The following FYB2 variants were observed in gnomAD, a reference collection of about 807,000 sequenced individuals.
The protein encoded by FYB2 is FYN-binding protein 2.
FYB2 carries 103 observed loss-of-function variants against 94.1 expected under a neutral mutation model. The observed-to-expected ratio is 1.09, with a 90% CI of 0.93 to 1.29. The LOEUF is 1.29. FYB2 is among the 50% of genes most tolerant of loss of function. The probability of loss-of-function intolerance (pLI) is 0.00; values close to 1 mark genes in which losing one functional copy is unlikely to be tolerated. For synonymous variants in FYB2, 293 were observed against 287.9 expected (o/e 1.02, Z -0.18); for missense variants, 896 against 841.5 (o/e 1.06, Z -0.80).
intron 16 of FYB2, 73 bp downstream of exon 16, chr1:56,726,424 T>C (rs1432291859): frequency 8.0e-6 from 11 of 1,367,718 alleles, no homozygotes; most frequent in Non-Finnish European, 1.1e-5. Flanking sequence ...ATTACTTATC[T>C]GAGGCCACAC....
At position 56,730,953 on chromosome 1, in the gene FYB2, T is replaced by G. The variant is rs184760563; in HGVS notation, c.1794-4370A>C. 2.3e-3 allele frequency among the ~76,000 whole-genome samples: 344 copies of G among 152,184 alleles called. 2 individuals carry two copies. Among genetic ancestry groups the G allele is most frequent in the Middle Eastern group, 0.014 (4 of 294 alleles). On this transcript the variant is annotated intron_variant, in intron 15 of 19. Transcript: ENST00000343433. Reference sequence around the variant, plus strand: ...ATACACCATGATGTAGTGTGATATATCCCAGAAATGCAAGAACATATTAGT... The same window carrying G: ...ATACACCATGATGTAGTGTGATATAGCCCAGAAATGCAAGAACATATTAGT...
chr1:56,790,135 T>G (rs913930805), intron 2 of FYB2, among the ~76,000 whole-genome samples: 5 of 152,232 alleles, frequency 3.3e-5, no homozygotes, highest in African/African-American at 4.8e-5. Context: ...TGATTTTTCA[T>G]TTATGTAAGA....
intron 13 of FYB2, among the ~76,000 whole-genome samples, chr1:56,739,224 T>C (rs1283812341): frequency 1.3e-5 from 2 of 152,072 alleles, no homozygotes; most frequent in East Asian, 3.9e-4. Context: ...GATTTGCATA[T>C]TTAAAACATT....
At chr1:56,770,963 T>C (rs1645740423) in intron 4 of FYB2, among the ~76,000 whole-genome samples, 1 of 152,174 alleles carries the variant, frequency 6.6e-6, no homozygotes. Context: ...AATCTCAGTT[T>C]GAAAATAATA....
At chr1:56,764,700 T>G (rs1645580208) in intron 5 of FYB2, among the ~76,000 whole-genome samples, 2 of 152,236 alleles carry the variant, frequency 1.3e-5, no homozygotes, top group South Asian at 4.1e-4. Context: ...TTCTAGTATT[T>G]CAGCCATCTC....
Position 56,806,587 on chromosome 1 carries a change from T to C in FYB2, c.9+12695A>G, listed in dbSNP as rs182219927. ...TTCAAAATTCCTTCACAGAATATAC[T>C]GGGAGATCATGAATATCAAAATGAT... On this transcript the variant is annotated intron_variant, in intron 1 of 19. Transcript: ENST00000343433. Among the ~76,000 whole-genome samples, 8 of 152,306 alleles carry C rather than the reference T, an allele frequency of 5.3e-5. No homozygotes were observed. The East Asian group carries it at 1.5e-3, about 29-fold the overall frequency.
At chr1:56,812,876 CA>C (rs1456074424) in intron 1 of FYB2, among the ~76,000 whole-genome samples, 1 of 152,214 alleles carries the variant, frequency 6.6e-6, no homozygotes, top group Non-Finnish European at 1.5e-5. Flanking sequence ...TGATACGGTT[CA>C]CTTATTAGTT....
At chr1:56,808,371 T>C (rs1219815938) in intron 1 of FYB2, among the ~76,000 whole-genome samples, 1 of 152,224 alleles carries the variant, frequency 6.6e-6, no homozygotes, top group African/African-American at 2.4e-5. Flanking sequence ...TGAAAGACCC[T>C]TTATCTGGGA....
rs1464673701 is a variant in FYB2, at chr1:56,789,146, A to G, written c.758-12T>C. 6.5e-7 allele frequency: 1 copy of G among 1,544,882 alleles called. No homozygotes were observed. The highest frequency in any genetic ancestry group is 8.7e-7 in the Non-Finnish European group (1 of 1,150,496). Reference sequence around the variant, plus strand: ...ATCTGGCTGTTTTTCTGAACACAAGACAGTAAAAAATGTAAGTTATGATTA... The same window carrying G: ...ATCTGGCTGTTTTTCTGAACACAAGGCAGTAAAAAATGTAAGTTATGATTA... On this transcript the variant is annotated splice_polypyrimidine_tract_variant and intron_variant, in intron 2 of 19. Coordinates refer to ENST00000343433, the MANE Select transcript of FYB2 (RefSeq NM_001004303.5).
In FYB2 at chr1:56,792,571, A is replaced by T. The variant is rs922009453; in HGVS notation, c.242T>A (p.Leu81Ter). The change falls in exon 2 of 20, where the codon TTG becomes TAG. Residue 81 changes from leucine to a stop codon, truncating the protein, a stop_gained. Coordinates refer to ENST00000343433, the MANE Select transcript of FYB2 (RefSeq NM_001004303.5). LOFTEE classifies it high-confidence loss of function. ...SQPLQPQKIK[L>*]AQKSEIPKCS... ...TTTTGGAATTTCACTCTTCTGAGCC[A>T]ACTTTATTTTCTGAGGTTGAAGAGG... The T allele has an allele frequency of 2.4e-5, 39 of 1,613,996 alleles. No individual in the cohort carries two copies. Among genetic ancestry groups the T allele is most frequent in the Non-Finnish European group, 3.2e-5 (38 of 1,180,008 alleles).
intron 4 of FYB2, among the ~76,000 whole-genome samples, chr1:56,771,344 G>T (rs185310313): frequency 6.6e-5 from 10 of 151,916 alleles, no homozygotes; most frequent in African/African-American, 2.4e-4. Context: ...ACACAGCTTC[G>T]TAAAAAAAAG....
intron 1 of FYB2, among the ~76,000 whole-genome samples, chr1:56,818,792 G>A (rs1302682113): frequency 6.6e-6 from 1 of 151,958 alleles, no homozygotes; most frequent in African/African-American, 2.4e-5. Context: ...CTTGCCCCAG[G>A]CCACACAGTT....
intron 1 of FYB2, among the ~76,000 whole-genome samples, chr1:56,816,584 G>A (rs186269710): frequency 1.3e-5 from 2 of 152,282 alleles, no homozygotes; most frequent in Admixed American, 1.3e-4. Context: ...CAGAGAATGT[G>A]AGGCCAAGTT....
intron 1 of FYB2, among the ~76,000 whole-genome samples, chr1:56,797,163 G>C (rs893824105): frequency 6.6e-6 from 1 of 152,122 alleles, no homozygotes; most frequent in Non-Finnish European, 1.5e-5. Context: ...CCCAGAGCAT[G>C]AACACAGAAG....
chr1:56,797,105 G>C (rs1046227715), intron 1 of FYB2, among the ~76,000 whole-genome samples: 3 of 152,180 alleles, frequency 2.0e-5, no homozygotes, highest in Non-Finnish European at 4.4e-5. Flanking sequence ...TCCTAGAGGA[G>C]ATTCCCCAGC....
intron 5 of FYB2, 48 bp downstream of exon 5, chr1:56,767,781 T>C: frequency 7.2e-7 from 1 of 1,384,430 alleles, no homozygotes; most frequent in Non-Finnish European, 1.0e-6. Flanking sequence ...TTTTGACACA[T>C]TTTCATTCCA....
intron 10 of FYB2, 33 bp downstream of exon 10, chr1:56,744,119 T>C (rs1557600756): frequency 1.2e-6 from 2 of 1,611,800 alleles, no homozygotes; most frequent in Non-Finnish European, 1.7e-6. Context: ...TCTCATCACA[T>C]TCATCTTGCT....
At chr1:56,794,462 A>C (rs1403525635) in intron 1 of FYB2, among the ~76,000 whole-genome samples, 1 of 152,200 alleles carries the variant, frequency 6.6e-6, no homozygotes, top group Admixed American at 6.5e-5. Flanking sequence ...ATTTACACAG[A>C]CCATCTCCAT....
chr1:56,810,947 CA>C (rs1646753726), intron 1 of FYB2, among the ~76,000 whole-genome samples: 2 of 152,134 alleles, frequency 1.3e-5, no homozygotes, highest in Admixed American at 1.3e-4. Context: ...CTTTTATTAT[CA>C]ATATCTGTTT....
Sources: allele counts gnomAD v4.1 joint callset (sites outside exome capture counted in the v4.1 genomes callset), GRCh38; gene constraint gnomAD v4.1.1; transcripts MANE v1.5; gene names NCBI Gene and HGNC (gene_info 2026-07-23, HGNC 2026-07-21).